DOK6: variants seen among roughly 807,000 people sequenced by gnomAD.
DOK6 encodes the protein docking protein 6.
In DOK6, 22 loss-of-function variants were observed where a neutral mutation model predicts 44.0. That is an observed-to-expected ratio of 0.50 (90% CI 0.36 to 0.71). The LOEUF is 0.71. DOK6 is among the 30% of genes least tolerant of loss of function. The probability of loss-of-function intolerance (pLI) is 0.00; values close to 1 mark genes in which losing one functional copy is unlikely to be tolerated. For missense variants in DOK6, 340 were observed against 416.4 expected, an observed-to-expected ratio of 0.82 and a Z score of 1.60; for synonymous variants, 166 against 145.5, an observed-to-expected ratio of 1.14 and a Z score of -1.01.
At chr18:69,678,820 A>C (rs1270046217) in intron 4 of DOK6, among the ~76,000 whole-genome samples, 1 of 152,188 alleles carries the variant, frequency 6.6e-6, no homozygotes, top group Non-Finnish European at 1.5e-5. Flanking sequence ...AGTGTTGCTA[A>C]GTTTTGATGA....
At chr18:69,779,859 G>A (rs548557811) in intron 7 of DOK6, among the ~76,000 whole-genome samples, 1 of 151,814 alleles carries the variant, frequency 6.6e-6, no homozygotes, top group South Asian at 2.1e-4. Flanking sequence ...TTCAAACCTG[G>A]ACTTACCCTT....
intron 7 of DOK6, among the ~76,000 whole-genome samples, chr18:69,764,833 G>C (rs951212464): frequency 6.6e-6 from 1 of 152,008 alleles, no homozygotes; most frequent in African/African-American, 2.4e-5. Context: ...ATTTGTAAAG[G>C]TCGTAGCTTT....
intron 3 of DOK6, among the ~76,000 whole-genome samples, chr18:69,619,911 T>C (rs1025471862): frequency 2.0e-5 from 3 of 152,304 alleles, no homozygotes; most frequent in Middle Eastern, 3.4e-3. Context: ...ATATTCATGA[T>C]TGTGTCTTGG....
intron 2 of DOK6, among the ~76,000 whole-genome samples, chr18:69,580,797 T>G (rs529428132): frequency 1.3e-5 from 2 of 152,274 alleles, no homozygotes; most frequent in East Asian, 3.9e-4. Flanking sequence ...GCTGTAATCT[T>G]ATACCATTTA....
At chr18:69,492,489 G>T (rs1980763720) in intron 1 of DOK6, among the ~76,000 whole-genome samples, 1 of 151,974 alleles carries the variant, frequency 6.6e-6, no homozygotes, top group South Asian at 2.1e-4. Context: ...TGAGTAAATT[G>T]CCTGTCACGG....
intron 2 of DOK6, among the ~76,000 whole-genome samples, chr18:69,571,486 C>A (rs1415364718): frequency 6.6e-6 from 1 of 151,762 alleles, no homozygotes. Flanking sequence ...AGGCTGTCTA[C>A]AAAAGATGCA....
chr18:69,750,525 A>C (rs1200945874), intron 6 of DOK6, among the ~76,000 whole-genome samples: 2 of 152,222 alleles, frequency 1.3e-5, no homozygotes, highest in Non-Finnish European at 2.9e-5. Flanking sequence ...CCACAATGAG[A>C]TATCTTCTCA....
chr18:69,455,194 GAA>G (rs60602689), intron 1 of DOK6, among the ~76,000 whole-genome samples: 1,662 of 141,498 alleles, frequency 0.012, 41 homozygotes, highest in African/African-American at 0.041. Flanking sequence ...AAGAAAAAAG[GAA>G]AAAAAAAAGA....
intron 4 of DOK6, among the ~76,000 whole-genome samples, chr18:69,689,432 A>C (rs947048719): frequency 6.6e-6 from 1 of 152,252 alleles, no homozygotes; most frequent in African/African-American, 2.4e-5. Flanking sequence ...TATTTGTCAT[A>C]AACATCTAAA....
chr18:69,574,546 C>T (rs1041089976), intron 2 of DOK6, among the ~76,000 whole-genome samples: 12 of 151,788 alleles, frequency 7.9e-5, no homozygotes, highest in African/African-American at 2.9e-4. Context: ...GGGGAATGCA[C>T]TATATGAAGA....
intron 3 of DOK6, chr18:69,660,448 G>A (rs969727842): frequency 2.0e-5 from 3 of 152,124 alleles, no homozygotes; most frequent in Admixed American, 6.5e-5. Context: ...ATCGTGGTAT[G>A]CGCTAGTGCA....
intron 4 of DOK6, among the ~76,000 whole-genome samples, chr18:69,693,485 A>G (rs893609109): frequency 6.6e-6 from 1 of 152,182 alleles, no homozygotes; most frequent in Non-Finnish European, 1.5e-5. Flanking sequence ...CTCTTTTTAT[A>G]TATATATTTC....
intron 7 of DOK6, among the ~76,000 whole-genome samples, chr18:69,839,734 G>C (rs1982160027): frequency 6.6e-6 from 1 of 152,216 alleles, no homozygotes. Flanking sequence ...AGGGGAAGGA[G>C]GGACTAGTAG....
At chr18:69,804,569 A>C (rs146381202) in intron 7 of DOK6, among the ~76,000 whole-genome samples, 1 of 152,308 alleles carries the variant, frequency 6.6e-6, no homozygotes, top group African/African-American at 2.4e-5. Context: ...ATGTTTTCTA[A>C]GTCTGTAGGC....
chr18:69,528,704 C>T (rs769391092), intron 1 of DOK6, among the ~76,000 whole-genome samples: 53 of 152,310 alleles, frequency 3.5e-4, no homozygotes, highest in Non-Finnish European at 6.6e-4. Flanking sequence ...TCATCCATGA[C>T]GTAGCTCTAT....
intron 1 of DOK6, among the ~76,000 whole-genome samples, chr18:69,490,254 G>A (rs1056566575): frequency 1.3e-5 from 2 of 152,140 alleles, no homozygotes; most frequent in East Asian, 3.9e-4. Flanking sequence ...TCATTAGACA[G>A]CAGTCACAGC....
At chr18:69,597,077 A>G (rs1359005860) in intron 2 of DOK6, among the ~76,000 whole-genome samples, 1 of 151,994 alleles carries the variant, frequency 6.6e-6, no homozygotes, top group Non-Finnish European at 1.5e-5. Context: ...TAAATTAATT[A>G]AAATTATAAA....
intron 1 of DOK6, among the ~76,000 whole-genome samples, chr18:69,468,791 G>A (rs140449888): frequency 0.016 from 2,431 of 152,256 alleles, 60 homozygotes; most frequent in Admixed American, 0.072. Flanking sequence ...ATTTATTGCG[G>A]CTGCATGCAA....
At chr18:69,457,323 G>A (rs998514698) in intron 1 of DOK6, among the ~76,000 whole-genome samples, 5 of 152,172 alleles carry the variant, frequency 3.3e-5, no homozygotes, top group Non-Finnish European at 5.9e-5. Flanking sequence ...GTTAATTTTT[G>A]TATATTGTGA....
Sources: allele counts gnomAD v4.1 joint callset (sites outside exome capture counted in the v4.1 genomes callset), GRCh38; gene constraint gnomAD v4.1.1; transcripts MANE v1.5; gene names NCBI Gene and HGNC (gene_info 2026-07-23, HGNC 2026-07-21).